The following KCNC2 variants were observed in gnomAD, a reference collection of about 807,000 sequenced individuals.
KCNC2 encodes the protein potassium voltage-gated channel subfamily C member 2.
In KCNC2, 21 loss-of-function variants were observed where a neutral mutation model predicts 44.5. The observed-to-expected ratio is 0.47, with a 90% CI of 0.33 to 0.68. KCNC2 has a LOEUF of 0.68. KCNC2 is among the 30% of genes least tolerant of loss of function. The probability of loss-of-function intolerance (pLI) is 0.01; values close to 1 mark genes in which losing one functional copy is unlikely to be tolerated. For synonymous variants in KCNC2, 391 were observed against 339.1 expected, an observed-to-expected ratio of 1.15 and a Z score of -1.68; for missense variants, 589 against 826.2, an observed-to-expected ratio of 0.71 and a Z score of 3.52.
At chr12:75,085,686 T>C (rs1884940048) in intron 2 of KCNC2, among the ~76,000 whole-genome samples, 1 of 152,074 alleles carries the variant, frequency 6.6e-6, no homozygotes, top group Non-Finnish European at 1.5e-5. Context: ...ATTTCTCAAA[T>C]GGAAAATAGA....
chr12:75,149,750 A>C (rs1890263059), intron 2 of KCNC2, among the ~76,000 whole-genome samples: 1 of 151,892 alleles, frequency 6.6e-6, no homozygotes, highest in Non-Finnish European at 1.5e-5. Context: ...GTCTAGTATA[A>C]TTATCTGATA....
chr12:75,142,343 T>C (rs1565887604), intron 2 of KCNC2, among the ~76,000 whole-genome samples: 1 of 152,302 alleles, frequency 6.6e-6, no homozygotes, highest in East Asian at 1.9e-4. Flanking sequence ...TTAGACAGAC[T>C]TGTCATTTAC....
At chr12:75,077,397 G>A (rs1252935388) in intron 2 of KCNC2, among the ~76,000 whole-genome samples, 1 of 152,032 alleles carries the variant, frequency 6.6e-6, no homozygotes. Flanking sequence ...TCCACACATG[G>A]TCATTTCAGT....
intron 2 of KCNC2, among the ~76,000 whole-genome samples, chr12:75,204,792 T>G (rs1427647680): frequency 6.6e-6 from 1 of 152,150 alleles, no homozygotes; most frequent in Non-Finnish European, 1.5e-5. Context: ...AAGTCACTTT[T>G]AAATAGAATG....
chr12:75,058,753 T>G (rs749198533), intron 2 of KCNC2, among the ~76,000 whole-genome samples: 8 of 152,030 alleles, frequency 5.3e-5, no homozygotes, highest in Non-Finnish European at 1.2e-4. Flanking sequence ...TTGTTCTTGC[T>G]GTCCTTATTC....
intron 2 of KCNC2, among the ~76,000 whole-genome samples, chr12:75,154,618 A>T (rs1048322896): frequency 6.6e-6 from 1 of 152,074 alleles, no homozygotes; most frequent in African/African-American, 2.4e-5. Flanking sequence ...CTGCTACAGC[A>T]TACATAGATG....
chr12:75,174,368 T>G (rs1892039532), intron 2 of KCNC2, among the ~76,000 whole-genome samples: 1 of 151,898 alleles, frequency 6.6e-6, no homozygotes, highest in Non-Finnish European at 1.5e-5. Context: ...TAAAACTCAT[T>G]TTCAAATGTT....
At chr12:75,165,228 T>C (rs990917458) in intron 2 of KCNC2, among the ~76,000 whole-genome samples, 8 of 151,602 alleles carry the variant, frequency 5.3e-5, no homozygotes, top group Non-Finnish European at 7.4e-5. Flanking sequence ...TACAAATGCA[T>C]AACTTTATGT....
chr12:75,130,870 C>G (rs1056283634), intron 2 of KCNC2, among the ~76,000 whole-genome samples: 1 of 151,802 alleles, frequency 6.6e-6, no homozygotes, highest in Non-Finnish European at 1.5e-5. Flanking sequence ...ACCCTGTAAT[C>G]CATATCAGCT....
intron 2 of KCNC2, among the ~76,000 whole-genome samples, chr12:75,085,100 A>G (rs1884888130): frequency 6.6e-6 from 1 of 152,018 alleles, no homozygotes; most frequent in Non-Finnish European, 1.5e-5. Flanking sequence ...TGCTATATAC[A>G]GAAAATCAGA....
intron 2 of KCNC2, among the ~76,000 whole-genome samples, chr12:75,190,494 A>G (rs2137705270): frequency 6.6e-6 from 1 of 152,314 alleles, no homozygotes; most frequent in African/African-American, 2.4e-5. Context: ...GTCTGTGCTC[A>G]CAGCATAGAA....
intron 2 of KCNC2, among the ~76,000 whole-genome samples, chr12:75,098,449 C>G (rs1408947339): frequency 6.6e-6 from 1 of 152,044 alleles, no homozygotes; most frequent in African/African-American, 2.4e-5. Flanking sequence ...TCTTAAATTG[C>G]GTTGGTCTGG....
intron 2 of KCNC2, among the ~76,000 whole-genome samples, chr12:75,086,737 GA>G (rs1326664486): frequency 2.8e-5 from 4 of 145,138 alleles, no homozygotes; most frequent in Non-Finnish European, 4.5e-5. Flanking sequence ...TATAAATACA[GA>G]GACATAGTTC....
intron 2 of KCNC2, among the ~76,000 whole-genome samples, chr12:75,192,416 A>G (rs1447544513): frequency 6.6e-6 from 1 of 152,198 alleles, no homozygotes; most frequent in Non-Finnish European, 1.5e-5. Context: ...CTTAAAGTAC[A>G]CTAATATGTA....
At chr12:75,118,554 C>T (rs754361617) in intron 2 of KCNC2, among the ~76,000 whole-genome samples, 1 of 151,740 alleles carries the variant, frequency 6.6e-6, no homozygotes, top group African/African-American at 2.4e-5. Flanking sequence ...AGCATGCTGG[C>T]AAAGAGCAGA....
At chr12:75,111,304 AT>A (rs1887219046) in intron 2 of KCNC2, among the ~76,000 whole-genome samples, 1 of 152,088 alleles carries the variant, frequency 6.6e-6, no homozygotes, top group African/African-American at 2.4e-5. Flanking sequence ...GATTTCAGAC[AT>A]TAAGTTTTCT....
intron 2 of KCNC2, among the ~76,000 whole-genome samples, chr12:75,087,141 C>A (rs955989604): frequency 2.6e-5 from 4 of 151,952 alleles, no homozygotes; most frequent in African/African-American, 9.7e-5. Context: ...ATAGAAATTT[C>A]AAAAATATTA....
chr12:75,138,979 TAAAAAAAAAAAAAAA>T (rs373729570), intron 2 of KCNC2, among the ~76,000 whole-genome samples: 1 of 77,928 alleles, frequency 1.3e-5, no homozygotes, highest in South Asian at 4.9e-4. Context: ...AGACTCCGTG[TAAAAAAAAAAAAAAA>T]AAAAAAAAAA....
intron 2 of KCNC2, among the ~76,000 whole-genome samples, chr12:75,108,624 T>C (rs1886978806): frequency 6.6e-6 from 1 of 152,186 alleles, no homozygotes; most frequent in African/African-American, 2.4e-5. Context: ...AAACAGCTGT[T>C]GAATTTCATA....
Sources: gnomAD v4.1 joint callset for allele counts (sites outside exome capture counted in the v4.1 genomes callset) on GRCh38, gnomAD v4.1.1 for gene constraint, MANE v1.5 for transcripts, NCBI Gene and HGNC (gene_info 2026-07-23, HGNC 2026-07-21) for gene names.